Variants in PLPP3 observed in about 807,000 individuals in gnomAD.
The protein encoded by PLPP3 is phospholipid phosphatase 3.
Under a neutral mutation model 29.6 loss-of-function variants are expected in PLPP3, and 6 were observed. That is an observed-to-expected ratio of 0.20 (90% CI 0.11 to 0.40). The LOEUF (loss-of-function observed/expected upper bound fraction) is 0.40, where lower values mean the gene tolerates loss of function less well. PLPP3 is among the 10% of genes least tolerant of loss of function. The probability of loss-of-function intolerance (pLI) is 1.00; values close to 1 mark genes in which losing one functional copy is unlikely to be tolerated. For synonymous variants in PLPP3, 152 were observed against 159.7 expected (o/e 0.95, Z 0.36); for missense variants, 308 against 407.7 (o/e 0.76, Z 2.11).
intron 1 of PLPP3, among the ~76,000 whole-genome samples, chr1:56,546,427 C>T (rs1455889654): frequency 1.3e-5 from 2 of 152,104 alleles, no homozygotes; most frequent in African/African-American, 4.8e-5. Context: ...ATAGAAATAA[C>T]TCTTGATGCC....
intron 1 of PLPP3, among the ~76,000 whole-genome samples, chr1:56,559,926 G>T (rs911884603): frequency 6.6e-6 from 1 of 152,176 alleles, no homozygotes; most frequent in African/African-American, 2.4e-5. Context: ...CTGAGGCAAA[G>T]AAACCATTCT....
rs528849873 is a variant in PLPP3, at chr1:56,511,991, C to T, written c.795G>A (p.Leu265=). 3 of 1,613,384 alleles carry T rather than the reference C, an allele frequency of 1.9e-6. No individual in the cohort carries two copies. The highest frequency in any genetic ancestry group is 3.3e-5 in the Admixed American group (2 of 59,866). ...TGCTACTTACTATGCAGCAGGCCAC[C>T]AGGGCTCCTTGAGCAAATCCTGCCA... ...DVLAGFAQGA[L]VACCIVFFVS... The change falls in exon 5 of 6, where the codon CTG becomes CTA. Residue 265 remains leucine (L), a synonymous_variant. Coordinates refer to ENST00000371250, the MANE Select transcript of PLPP3 (RefSeq NM_003713.5).
intron 1 of PLPP3, among the ~76,000 whole-genome samples, chr1:56,576,284 C>T (rs1334350376): frequency 6.6e-6 from 1 of 151,690 alleles, no homozygotes; most frequent in African/African-American, 2.4e-5. Flanking sequence ...ATATTAGTGC[C>T]CTGTAATCCA....
At chr1:56,554,503 C>T (rs1010530333) in intron 1 of PLPP3, among the ~76,000 whole-genome samples, 7 of 149,030 alleles carry the variant, frequency 4.7e-5, no homozygotes, top group South Asian at 4.3e-4. Flanking sequence ...ACCCGGGAGG[C>T]GGAGCTTGCA....
At chr1:56,578,774 T>A in intron 1 of PLPP3, 104 bp downstream of exon 1, 1 of 1,213,704 alleles carries the variant, frequency 8.2e-7, no homozygotes, top group East Asian at 3.5e-5. Flanking sequence ...CCCCCGGAGC[T>A]GACGGCGCGG....
chr1:56,537,486 A>C (rs1312848910), intron 1 of PLPP3, among the ~76,000 whole-genome samples: 1 of 152,190 alleles, frequency 6.6e-6, no homozygotes, highest in Non-Finnish European at 1.5e-5. Flanking sequence ...TTCCAAGGGC[A>C]TTCATTTCTT....
At position 56,512,136 on chromosome 1, in the gene PLPP3, C is replaced by G; in HGVS notation, c.650G>C (p.Arg217Pro). ...CAGGCGGGCTCCTCGCCAAGTGAAGCGGGCCTGCAGGTATAGCTGGAGAAA... is the reference window on the plus strand; with the variant it reads ...CAGGCGGGCTCCTCGCCAAGTGAAGGGGGCCTGCAGGTATAGCTGGAGAAA... ...MLYLVLYLQA[R>P]FTWRGARLLR... Residue 217 changes from arginine (R) to proline (P), a missense_variant, in exon 5 of 6, where the codon CGC becomes CCC. Coordinates refer to ENST00000371250, the MANE Select transcript of PLPP3 (RefSeq NM_003713.5). 6.2e-7 allele frequency: 1 copy of G among 1,604,194 alleles called. No individual in the cohort carries two copies. Among genetic ancestry groups the G allele is most frequent in the Non-Finnish European group, 8.5e-7 (1 of 1,176,874 alleles).
At chr1:56,526,312 C>T (rs545405209) in intron 2 of PLPP3, among the ~76,000 whole-genome samples, 144 of 152,272 alleles carry the variant, frequency 9.5e-4, no homozygotes, top group African/African-American at 3.3e-3. Context: ...TAACACGTTG[C>T]AGAGATTAAA....
intron 1 of PLPP3, among the ~76,000 whole-genome samples, chr1:56,541,377 A>T (rs1001367597): frequency 6.6e-6 from 1 of 152,250 alleles, no homozygotes; most frequent in Non-Finnish European, 1.5e-5. Flanking sequence ...AGCACAAAGC[A>T]TAAATAATAG....
chr1:56,567,050 C>T (rs939641230), intron 1 of PLPP3, among the ~76,000 whole-genome samples: 5 of 152,134 alleles, frequency 3.3e-5, no homozygotes, highest in African/African-American at 1.2e-4. Context: ...TTACTATTTG[C>T]ATGTTTAACT....
chr1:56,549,808 A>T (rs1646026536), intron 1 of PLPP3, among the ~76,000 whole-genome samples: 1 of 152,194 alleles, frequency 6.6e-6, no homozygotes, highest in African/African-American at 2.4e-5. Flanking sequence ...AATTGAACGA[A>T]TGTTTGGCAG....
In PLPP3 at chr1:56,578,968, C is replaced by T. The variant is rs1291279581; in HGVS notation, c.49G>A (p.Gly17Ser). Reference sequence around the variant, plus strand: ...TTGTTGTTGAGCGCCGGGCTGCCGCCGTTCTTGCTCTCCGGGACGATCGCT... The same window carrying T: ...TTGTTGTTGAGCGCCGGGCTGCCGCTGTTCTTGCTCTCCGGGACGATCGCT... ...DKAIVPESKN[G>S]GSPALNNNPR... Residue 17 changes from glycine to serine, a missense_variant, in exon 1 of 6, where the codon GGC becomes AGC. By Grantham distance (56) the Gly-to-Ser change is moderately conservative (BLOSUM62 0). Around this residue, in one of 3 missense-constraint regions of PLPP3, gnomAD observed 67 missense variants for 61.3 expected, o/e 1.09. Coordinates refer to ENST00000371250, the MANE Select transcript of PLPP3 (RefSeq NM_003713.5). 1 of 1,602,332 alleles carries T rather than the reference C, an allele frequency of 6.2e-7. No individual in the cohort carries two copies.
In PLPP3 at chr1:56,510,819, A is replaced by G. The variant is rs150632172; in HGVS notation, c.810+1157T>C. On this transcript the variant is annotated intron_variant, in intron 5 of 5. Transcript: ENST00000371250. ...CTTGATAAGATAGGGAGAGTAACAT[A>G]TATATTACACATGGTCCCTGCCCCC... 4.9e-3 allele frequency among the ~76,000 whole-genome samples: 741 copies of G among 152,288 alleles called. 9 individuals are homozygous for G. Among genetic ancestry groups the G allele is most frequent in the African/African-American group, 0.017 (714 of 41,560 alleles).
chr1:56,545,034 G>T (rs753280552), intron 1 of PLPP3, among the ~76,000 whole-genome samples: 6 of 152,160 alleles, frequency 3.9e-5, no homozygotes, highest in Non-Finnish European at 8.8e-5. Context: ...TTTAACATCT[G>T]AATTAAAACA....
At chr1:56,516,569 T>C (rs1290526628) in intron 4 of PLPP3, among the ~76,000 whole-genome samples, 2 of 152,152 alleles carry the variant, frequency 1.3e-5, no homozygotes, top group Non-Finnish European at 2.9e-5. Flanking sequence ...ACTGCTGACA[T>C]TCTGGCTTAT....
intron 1 of PLPP3, among the ~76,000 whole-genome samples, chr1:56,549,032 G>A (rs920639853): frequency 6.6e-6 from 1 of 152,158 alleles, no homozygotes; most frequent in Admixed American, 6.5e-5. Context: ...GAGGGAGCCC[G>A]TCTAGTTCCT....
intron 1 of PLPP3, among the ~76,000 whole-genome samples, chr1:56,555,964 A>AT (rs912204520): frequency 1.2e-4 from 18 of 152,062 alleles, no homozygotes; most frequent in Non-Finnish European, 1.3e-4. Context: ...CGAGGAAGAC[A>AT]TTTTTTTTCC....
chr1:56,513,618 A>G (rs541303825), intron 4 of PLPP3: 1 of 152,182 alleles, frequency 6.6e-6, no homozygotes, highest in Non-Finnish European at 1.5e-5. Context: ...ATCCTCAACT[A>G]CGTGGAACAC....
chr1:56,523,962 C>G (rs1413922175), intron 3 of PLPP3, 82 bp from the exon 4 acceptor site: 1 of 1,496,496 alleles, frequency 6.7e-7, no homozygotes, highest in Non-Finnish European at 9.2e-7. Flanking sequence ...CCTCCCTAGA[C>G]TGTAACCTTG....
Sources: gnomAD v4.1 joint callset for allele counts (sites outside exome capture counted in the v4.1 genomes callset) on GRCh38, gnomAD v4.1.1 for gene constraint, gnomAD v4.1.1 regional missense constraint, MANE v1.5 for transcripts, NCBI Gene and HGNC (gene_info 2026-07-23, HGNC 2026-07-21) for gene names.